The following PREX1 variants were observed in gnomAD, a reference collection of about 807,000 sequenced individuals.
The protein encoded by PREX1 is phosphatidylinositol-3,4,5-trisphosphate dependent Rac exchange factor 1.
In PREX1, 41 loss-of-function variants were observed where a neutral mutation model predicts 198.3. The ratio of observed to expected loss-of-function variants is 0.21; its 90% confidence interval spans 0.16 to 0.27. The LOEUF is 0.27. PREX1 is among the 10% of genes least tolerant of loss of function. The pLI, the probability that PREX1 is intolerant of heterozygous loss-of-function variation, is 1.00. For synonymous variants in PREX1, 843 were observed against 887.2 expected (o/e 0.95, Z 0.89); for missense variants, 1,620 against 2,200.7 (o/e 0.74, Z 5.28).
chr20:48,873,002 C>T, the PREX1 span, among the ~76,000 whole-genome samples: 1 of 152,074 alleles, frequency 6.6e-6, no homozygotes, highest in Non-Finnish European at 1.5e-5. Flanking sequence ...TACCAGTCAG[C>T]TTTGGCTACA....
At chr20:48,724,120 T>G (rs146162659) in intron 5 of PREX1, among the ~76,000 whole-genome samples, 2 of 152,302 alleles carry the variant, frequency 1.3e-5, no homozygotes, top group East Asian at 3.9e-4. Context: ...CTTTGGCAGT[T>G]TAACTCCCCA....
At chr20:48,753,472 C>A (rs959412239) in intron 1 of PREX1, among the ~76,000 whole-genome samples, 2 of 152,100 alleles carry the variant, frequency 1.3e-5, no homozygotes, top group Admixed American at 1.3e-4. Flanking sequence ...GTGCTCCTGG[C>A]ATCTAGTGTG....
chr20:48,747,980 G>C, intron 1 of PREX1, 100 bp from the exon 2 acceptor site: 1 of 1,092,190 alleles, frequency 9.2e-7, no homozygotes, highest in Non-Finnish European at 1.4e-6. Flanking sequence ...ACTAGGATCT[G>C]GGAGGTACCA....
At chr20:48,654,277 G>A (rs1274069959) in intron 19 of PREX1, among the ~76,000 whole-genome samples, 4 of 152,252 alleles carry the variant, frequency 2.6e-5, no homozygotes, top group African/African-American at 9.6e-5. Context: ...CCTGGCACTC[G>A]GTAAGTGCTC....
chr20:48,741,248 C>G (rs2090080270), intron 3 of PREX1, among the ~76,000 whole-genome samples: 1 of 152,252 alleles, frequency 6.6e-6, no homozygotes, highest in Non-Finnish European at 1.5e-5. Context: ...CTAAAGCCCA[C>G]TTCTGCGGCT....
In PREX1 at chr20:48,767,489, A is replaced by G. The variant is rs532476356; in HGVS notation, c.220-19609T>C. 7.2e-5 allele frequency among the ~76,000 whole-genome samples: 11 copies of G among 152,176 alleles called. No homozygotes were observed. In the East Asian group the frequency reaches 2.1e-3, roughly 29 times the overall value. ...TCCCCACCTGTCAGCGGGGGAGGGT[A>G]CGTGGGCCTCTGAACCTCAGTTTCC... On this transcript the variant is annotated intron_variant, in intron 1 of 39. Coordinates refer to ENST00000371941, the MANE Select transcript of PREX1 (RefSeq NM_020820.4).
chr20:48,801,784 T>C (rs925620899), intron 1 of PREX1, among the ~76,000 whole-genome samples: 3 of 152,154 alleles, frequency 2.0e-5, no homozygotes, highest in Non-Finnish European at 2.9e-5. Flanking sequence ...CAGGGTCGCA[T>C]GGGAGGTGTT....
chr20:48,756,057 C>T lies in PREX1; in HGVS notation c.220-8177G>A, dbSNP rs957881492. Among the ~76,000 whole-genome samples the T allele has an allele frequency of 5.3e-5, 8 of 152,270 alleles. No homozygotes were observed. In the East Asian group the frequency reaches 1.2e-3, roughly 22 times the overall value. On this transcript the variant is annotated intron_variant, in intron 1 of 39. Coordinates refer to ENST00000371941, the MANE Select transcript of PREX1 (RefSeq NM_020820.4). ...ATCCCTGTGCAGGGAAGGCAGTGCC[C>T]GCCAGTGGGGAACAGAGCAGCGGCA...
At chr20:48,818,146 G>A (rs905632839) in intron 1 of PREX1, among the ~76,000 whole-genome samples, 3 of 152,208 alleles carry the variant, frequency 2.0e-5, no homozygotes, top group African/African-American at 4.8e-5. Context: ...CAAGGGCCCT[G>A]AGGCAGGTGC....
chr20:48,838,624 A>G, the PREX1 span, among the ~76,000 whole-genome samples: 1 of 152,220 alleles, frequency 6.6e-6, no homozygotes, highest in African/African-American at 2.4e-5. Context: ...AATGGGGAGG[A>G]AAAGAGCAGA....
Position 48,746,173 on chromosome 20 carries a change from G to A in PREX1, c.292-1026C>T, listed in dbSNP as rs150004457. On this transcript the variant is annotated intron_variant, in intron 2 of 39. Transcript: ENST00000371941. ...GTAGCTGGGAATACAGATGCATGCCGCCATGCCTGGCTAACTTTTTTTGTA... is the reference window on the plus strand; with the variant it reads ...GTAGCTGGGAATACAGATGCATGCCACCATGCCTGGCTAACTTTTTTTGTA... Among the ~76,000 whole-genome samples, 7 of 152,062 alleles carry A rather than the reference G, an allele frequency of 4.6e-5. No individual in the cohort carries two copies. In the East Asian group the frequency reaches 5.8e-4, roughly 13 times the overall value.
chr20:48,676,075 G>T, intron 14 of PREX1, 118 bp downstream of exon 14: 31 of 940,402 alleles, frequency 3.3e-5, no homozygotes, highest in Non-Finnish European at 4.3e-5. Flanking sequence ...TAAATTTTAT[G>T]TTCTGTGCAG....
At chr20:48,787,877 G>C (rs2090320427) in intron 1 of PREX1, among the ~76,000 whole-genome samples, 3 of 152,156 alleles carry the variant, frequency 2.0e-5, no homozygotes, top group Admixed American at 2.0e-4. Flanking sequence ...TGCTGGAGGA[G>C]GGAAATATGG....
chr20:48,676,350 G>A (rs929077757), intron 13 of PREX1, 82 bp from the exon 14 acceptor site: 27 of 1,290,680 alleles, frequency 2.1e-5, no homozygotes, highest in Middle Eastern at 4.9e-4. Flanking sequence ...CCTGCAGGAC[G>A]TGCCCACGAG....
chr20:48,760,106 T>C (rs2090172669), intron 1 of PREX1, among the ~76,000 whole-genome samples: 1 of 150,934 alleles, frequency 6.6e-6, no homozygotes, highest in Non-Finnish European at 1.5e-5. Context: ...AGCAAGACCC[T>C]GCCTCAAAAA....
At chr20:48,739,742 G>C (rs1221536291) in intron 3 of PREX1, among the ~76,000 whole-genome samples, 2 of 152,144 alleles carry the variant, frequency 1.3e-5, no homozygotes, top group Non-Finnish European at 2.9e-5. Flanking sequence ...CATCACATAA[G>C]AGTAAAAAAC....
chr20:48,697,002 A>ACACACACACACACC (rs1348724199), intron 7 of PREX1, among the ~76,000 whole-genome samples: 1 of 146,052 alleles, frequency 6.8e-6, no homozygotes, highest in Admixed American at 6.7e-5. Context: ...ACACACACAC[A>ACACACACACACACC]CCCTATTGGG....
At chr20:48,661,550 T>TAC (rs1185548886) in intron 15 of PREX1, among the ~76,000 whole-genome samples, 2 of 136,970 alleles carry the variant, frequency 1.5e-5, no homozygotes, top group African/African-American at 5.6e-5. Context: ...TGTGTATATA[T>TAC]ATATATACAC....
chr20:48,705,171 G>A (rs933878624), intron 6 of PREX1, among the ~76,000 whole-genome samples: 7 of 152,188 alleles, frequency 4.6e-5, no homozygotes, highest in African/African-American at 1.4e-4. Context: ...TCCTGACTTC[G>A]CAGATGAGGA....
Sources: allele counts gnomAD v4.1 joint callset (sites outside exome capture counted in the v4.1 genomes callset), GRCh38; gene constraint gnomAD v4.1.1; transcripts MANE v1.5; gene names NCBI Gene and HGNC (gene_info 2026-07-23, HGNC 2026-07-21).